MGAT4D: variants seen among roughly 807,000 people sequenced by gnomAD.
MGAT4D encodes the protein alpha-1,3-mannosyl-glycoprotein 4-beta-N-acetylglucosaminyltransferase-like protein MGAT4D.
A neutral mutation model predicts 15.9 loss-of-function variants in MGAT4D; 34 were observed. The ratio of observed to expected loss-of-function variants is 2.14; its 90% CI spans 1.62 to 2.84. The LOEUF is 2.84. MGAT4D is among the 30% of genes most tolerant of loss of function. The pLI is 0.00. For synonymous variants in MGAT4D, 112 were observed against 48.2 expected, an observed-to-expected ratio of 2.33 and a Z score of -5.49; for missense variants, 327 against 140.2, an observed-to-expected ratio of 2.33 and a Z score of -6.73.
In MGAT4D at chr4:140,474,831, C is replaced by T; in HGVS notation, c.507G>A (p.Val169=). 1.5e-6 allele frequency: 1 copy of T among 682,198 alleles called. No homozygotes were observed. The highest frequency in any genetic ancestry group is 2.7e-6 in the Non-Finnish European group (1 of 376,592). The allele number at this position is 682,198 out of a possible 1,614,324, so 42.3% of individuals were successfully genotyped here. Residue 169 remains valine, a synonymous_variant, in exon 4 of 11, where the codon GTG becomes GTA. Transcript: ENST00000511113. ...MTLSQEKDSV[V]IVLVADSNED... is the part of the protein sequence containing the mutation. ...TACGTACATCTGCAACCAAGACAAT[C>T]ACTACAGAATCCTTCTCTTGGGAGA...
chr4:140,474,767 G>C, intron 4 of MGAT4D, 46 bp downstream of exon 4: 1 of 528,068 alleles, frequency 1.9e-6, no homozygotes. Context: ...GGAATTTGGA[G>C]ACCATAGGGT....
At chr4:140,465,642 T>C (rs1188543482) in intron 5 of MGAT4D, among the ~76,000 whole-genome samples, 1 of 152,194 alleles carries the variant, frequency 6.6e-6, no homozygotes, top group Non-Finnish European at 1.5e-5. Context: ...TGGTCTTCCT[T>C]TAGAGATAAT....
At chr4:140,493,367 C>T (rs1239292087) in intron 1 of MGAT4D, among the ~76,000 whole-genome samples, 3 of 147,392 alleles carry the variant, frequency 2.0e-5, no homozygotes, top group Admixed American at 1.4e-4. Context: ...GCGATCTCGG[C>T]TTACTGCAAG....
chr4:140,495,017 T>C (rs1381984316), intron 1 of MGAT4D, among the ~76,000 whole-genome samples: 2 of 152,200 alleles, frequency 1.3e-5, no homozygotes, highest in African/African-American at 2.4e-5. Flanking sequence ...GTTACTCTTC[T>C]GCACAAAACT....
At position 140,459,583 on chromosome 4, in the gene MGAT4D, A is replaced by G. The variant is rs1005466205; in HGVS notation, c.806T>C (p.Ile269Thr). 2 of 534,556 alleles carry G rather than the reference A, an allele frequency of 3.7e-6. No homozygotes were observed. Among genetic ancestry groups the G allele is most frequent in the South Asian group, 5.3e-5 (2 of 37,952 alleles). 33.1% of individuals were successfully genotyped at this position (534,556 alleles called of 1,614,324 possible). A position where few individuals can be genotyped will look rare whatever the true frequency, so the allele number is the denominator to read the frequency against. ...IIAKEMYFTKITDFVGNISSN... is the reference protein window; with the variant it reads ...IIAKEMYFTKTTDFVGNISSN... ...ACTGATATTACCTACAAAATCTGTT[A>G]TTTTTGTAAAGTACATCTCTTTAGC... Residue 269 changes from isoleucine (I) to threonine (T), a missense_variant, in exon 8 of 11, where the codon ATA becomes ACA. Coordinates refer to ENST00000511113, the MANE Select transcript of MGAT4D (RefSeq NM_001277353.2).
intron 6 of MGAT4D, among the ~76,000 whole-genome samples, chr4:140,463,987 G>T (rs1025267808): frequency 2.0e-5 from 3 of 152,140 alleles, no homozygotes; most frequent in Non-Finnish European, 4.4e-5. Context: ...ATGGAAGGAG[G>T]ATGAGAGGGA....
chr4:140,481,852 A>C (rs1732755339), intron 2 of MGAT4D, among the ~76,000 whole-genome samples: 1 of 152,238 alleles, frequency 6.6e-6, no homozygotes, highest in African/African-American at 2.4e-5. Context: ...TTTGTCCTGC[A>C]GAAATGGAAA....
intron 1 of MGAT4D, among the ~76,000 whole-genome samples, chr4:140,489,269 TCCC>T (rs1024781568): frequency 2.0e-5 from 3 of 152,106 alleles, no homozygotes; most frequent in African/African-American, 7.2e-5. Context: ...TTCAGATTAC[TCCC>T]CCCATGTATG....
At chr4:140,471,667 A>G (rs981601680) in intron 5 of MGAT4D, 108 bp downstream of exon 5, 2 of 296,218 alleles carry the variant, frequency 6.8e-6, no homozygotes, top group African/African-American at 4.3e-5. Flanking sequence ...AGCTATACTC[A>G]TTAAAAAGAA....
intron 9 of MGAT4D, among the ~76,000 whole-genome samples, chr4:140,454,942 C>T (rs1730703784): frequency 1.0e-5 from 1 of 98,892 alleles, no homozygotes; most frequent in Non-Finnish European, 2.1e-5. Context: ...GGAACTCCCA[C>T]TTTCTTACTA....
At chr4:140,470,965 G>C (rs1731896760) in intron 5 of MGAT4D, among the ~76,000 whole-genome samples, 1 of 149,672 alleles carries the variant, frequency 6.7e-6, no homozygotes, top group Admixed American at 6.7e-5. Context: ...GCTCACTAAA[G>C]CCTCCACCTC....
intron 1 of MGAT4D, among the ~76,000 whole-genome samples, chr4:140,497,855 G>T (rs1373010342): frequency 6.6e-6 from 1 of 152,220 alleles, no homozygotes; most frequent in Non-Finnish European, 1.5e-5. Flanking sequence ...AAAAGGGAGC[G>T]GCGGGTACCC....
intron 10 of MGAT4D, among the ~76,000 whole-genome samples, chr4:140,450,332 T>C (rs1030468658): frequency 6.6e-6 from 1 of 152,164 alleles, no homozygotes; most frequent in African/African-American, 2.4e-5. Flanking sequence ...AAAAATATAA[T>C]GAAAGAATCC....
chr4:140,475,029 G>A (rs1311424324), intron 3 of MGAT4D, 83 bp from the exon 4 acceptor site: 2 of 456,136 alleles, frequency 4.4e-6, no homozygotes, highest in African/African-American at 4.0e-5. Context: ...TTATTCCTAT[G>A]TTTGGGTTAG....
intron 5 of MGAT4D, among the ~76,000 whole-genome samples, chr4:140,469,515 A>T (rs1731772215): frequency 6.6e-6 from 1 of 152,160 alleles, no homozygotes; most frequent in African/African-American, 2.4e-5. Flanking sequence ...GTACCCAAAT[A>T]AGGTCGCTCA....
At chr4:140,495,040 G>A (rs183216842) in intron 1 of MGAT4D, among the ~76,000 whole-genome samples, 2 of 152,090 alleles carry the variant, frequency 1.3e-5, no homozygotes, top group African/African-American at 2.4e-5. Flanking sequence ...GATGGCTTCC[G>A]ATCTTACTCA....
intron 8 of MGAT4D, chr4:140,458,935 T>C (rs550327942): frequency 8.5e-5 from 13 of 152,054 alleles, no homozygotes; most frequent in African/African-American, 3.1e-4. Context: ...TACTTGAGGT[T>C]CAAAGGAAAG....
chr4:140,492,492 G>A (rs550442109), intron 1 of MGAT4D, among the ~76,000 whole-genome samples: 64 of 152,274 alleles, frequency 4.2e-4, no homozygotes, highest in African/African-American at 1.4e-3. Flanking sequence ...GCTGGGAGTG[G>A]TGGCACGCGC....
intron 1 of MGAT4D, among the ~76,000 whole-genome samples, chr4:140,486,061 C>G (rs1230816269): frequency 6.6e-6 from 1 of 151,914 alleles, no homozygotes; most frequent in African/African-American, 2.4e-5. Flanking sequence ...TCCTGAGTTC[C>G]TCCCTGGTCT....
Sources: allele counts gnomAD v4.1 joint callset (sites outside exome capture counted in the v4.1 genomes callset), GRCh38; gene constraint gnomAD v4.1.1; transcripts MANE v1.5; gene names NCBI Gene and HGNC (gene_info 2026-07-23, HGNC 2026-07-21).